MIA2: variants seen among roughly 807,000 people sequenced by gnomAD.
MIA2 encodes MIA SH3 domain ER export factor 2.
MIA2 carries 127 observed loss-of-function variants against 167.8 expected under a neutral mutation model. The observed-to-expected ratio is 0.76, with a 90% CI of 0.66 to 0.88. The LOEUF is 0.88. Among genes scored for constraint, MIA2 ranks in the 40% least tolerant of loss-of-function variants. MIA2 has a pLI of 0.00. For missense variants in MIA2, 1,690 were observed against 1,624.7 expected (o/e 1.04, Z -0.69); for synonymous variants, 552 against 541.9 (o/e 1.02, Z -0.26).
chr14:39,385,847 G>C (rs1329329062), intron 23 of MIA2: 1 of 967,644 alleles, frequency 1.0e-6, no homozygotes, highest in African/African-American at 1.6e-5. Context: ...CCTTGTCCTC[G>C]ACCTCTCCCC....
At chr14:39,382,116 T>G (rs1309581638) in intron 23 of MIA2, among the ~76,000 whole-genome samples, 1 of 152,160 alleles carries the variant, frequency 6.6e-6, no homozygotes, top group East Asian at 1.9e-4. Flanking sequence ...TACTGCCTGC[T>G]CTCCATCGTC....
rs537971337 is a variant in MIA2 at position 39,282,382 on chromosome 14, C to T, written c.2130+2845C>T. Among the ~76,000 whole-genome samples the T allele has an allele frequency of 2.3e-4, 35 of 152,072 alleles. 1 individual carries two copies. Among genetic ancestry groups the T allele is most frequent in the African/African-American group, 7.5e-4 (31 of 41,482 alleles). On this transcript the variant is annotated intron_variant, in intron 9 of 28. Transcript: ENST00000640607. ...TTTAAGGTATAAACATGATGAGATA[C>T]GTGTATAGTAAATGGTTACTATAGT...
intron 6 of MIA2, among the ~76,000 whole-genome samples, chr14:39,275,377 G>A (rs2057849531): frequency 6.6e-6 from 1 of 152,172 alleles, no homozygotes; most frequent in Non-Finnish European, 1.5e-5. Context: ...CTGGCCTCAT[G>A]TGATCCGCCT....
rs754685760 is a variant in MIA2, at chr14:39,276,910, AACTT to A, written c.1888-19_1888-16del. ...TTTTTACCAAAAGTACATTTTTAAG[AACTT>A]ACTTTTCTTTATCTTGAAGGTTGTG... On this transcript the variant is annotated intron_variant, in intron 6 of 28. Transcript: ENST00000640607. 6 of 1,604,268 alleles carry A rather than the reference AACTT, an allele frequency of 3.7e-6. No homozygotes were observed. The highest frequency in any genetic ancestry group is 5.1e-6 in the Non-Finnish European group (6 of 1,177,608).
intron 2 of MIA2, among the ~76,000 whole-genome samples, chr14:39,238,793 C>CAAAAAAAAAAAAA (rs769534317): frequency 0.04 from 1,229 of 30,434 alleles, 113 homozygotes; most frequent in Non-Finnish European, 0.051. Flanking sequence ...GACCCTGTCT[C>CAAAAAAAAAAAAA]AAAAAAAAAA....
intron 23 of MIA2, among the ~76,000 whole-genome samples, chr14:39,320,536 A>G (rs369602279): frequency 1.1e-4 from 17 of 152,120 alleles, no homozygotes; most frequent in Admixed American, 5.2e-4. Flanking sequence ...GAGTACTTCT[A>G]TGTTGCAACT....
intron 23 of MIA2, among the ~76,000 whole-genome samples, chr14:39,358,508 C>T (rs2074591246): frequency 6.6e-6 from 1 of 152,140 alleles, no homozygotes; most frequent in Non-Finnish European, 1.5e-5. Context: ...GAACTTCCTC[C>T]TTTAGCTTGG....
downstream of MIA2, among the ~76,000 whole-genome samples, chr14:39,353,370 G>A (rs935511961): frequency 9.2e-5 from 14 of 152,020 alleles, no homozygotes; most frequent in Admixed American, 4.6e-4. Context: ...CCAGTCTCTG[G>A]TATCTATCAT....
At chr14:39,241,726 A>C (rs2054048101) in intron 3 of MIA2, among the ~76,000 whole-genome samples, 1 of 152,360 alleles carries the variant, frequency 6.6e-6, no homozygotes, top group Middle Eastern at 3.4e-3. Flanking sequence ...TAAAAACAAA[A>C]AATCTGATTA....
chr14:39,351,858 C>T (rs906368340), downstream of MIA2, among the ~76,000 whole-genome samples: 1 of 152,172 alleles, frequency 6.6e-6, no homozygotes, highest in South Asian at 2.1e-4. Flanking sequence ...CTGCCTGCCT[C>T]GTTCTGCCAG....
At position 39,248,236 on chromosome 14, in the gene MIA2, C is replaced by A. The variant is rs552486404; in HGVS notation, c.1567+95C>A. 1.2e-5 allele frequency: 12 copies of A among 990,082 alleles called. No homozygotes were observed. In the South Asian group the frequency reaches 2.1e-4, roughly 17 times the overall value. 61.3% of individuals were successfully genotyped at this position (990,082 alleles called of 1,614,324 possible). A position where few individuals can be genotyped will look rare whatever the true frequency, so the allele number is the denominator to read the frequency against. ...TCAGATGAAAAAGTCCAGGAATCCACGTTTTTCAGAATACTTAGCTCTTTC... is the reference window on the plus strand; with the variant it reads ...TCAGATGAAAAAGTCCAGGAATCCAAGTTTTTCAGAATACTTAGCTCTTTC... On this transcript the variant is annotated intron_variant, in intron 4 of 28. Coordinates refer to ENST00000640607, the MANE Select transcript of MIA2 (RefSeq NM_001329214.4).
At chr14:39,258,321 T>C (rs2054915882) in intron 6 of MIA2, among the ~76,000 whole-genome samples, 2 of 152,218 alleles carry the variant, frequency 1.3e-5, no homozygotes, top group Admixed American at 1.3e-4. Context: ...CTTCACGCCT[T>C]ATTTTAGTAA....
At chr14:39,385,072 T>G (rs2075248068) in intron 23 of MIA2, among the ~76,000 whole-genome samples, 2 of 152,194 alleles carry the variant, frequency 1.3e-5, no homozygotes, top group Admixed American at 6.5e-5. Context: ...CAGCACATTC[T>G]TGGTATTATA....
At chr14:39,309,865 G>C (rs922220949) in intron 18 of MIA2, among the ~76,000 whole-genome samples, 4 of 151,822 alleles carry the variant, frequency 2.6e-5, no homozygotes, top group Non-Finnish European at 5.9e-5. Context: ...TGTACATGCT[G>C]TTGCCTAAAT....
intron 15 of MIA2, among the ~76,000 whole-genome samples, chr14:39,303,016 A>C (rs2062783074): frequency 6.6e-6 from 1 of 152,154 alleles, no homozygotes; most frequent in Admixed American, 6.5e-5. Context: ...ATGTTGGAAA[A>C]AATTACATCC....
At chr14:39,296,321 C>T (rs1369514412) in intron 13 of MIA2, among the ~76,000 whole-genome samples, 1 of 151,848 alleles carries the variant, frequency 6.6e-6, no homozygotes, top group Non-Finnish European at 1.5e-5. Flanking sequence ...TCTGGGTTGG[C>T]ATTTTTTTTT....
intron 9 of MIA2, among the ~76,000 whole-genome samples, chr14:39,288,444 TATATATATATATATATATATATATATATA>T (rs2060123117): frequency 2.0e-4 from 2 of 9,790 alleles, no homozygotes; most frequent in African/African-American, 6.5e-4. Flanking sequence ...TATATATATA[TATATATATATATATATATATATATATATA>T]TATTTTTTTT....
At chr14:39,288,442 T>C (rs1284177533) in intron 9 of MIA2, among the ~76,000 whole-genome samples, 24 of 9,768 alleles carry the variant, frequency 2.5e-3, no homozygotes, top group African/African-American at 6.4e-3. Context: ...CATATATATA[T>C]ATATATATAT....
Position 39,386,963 on chromosome 14 carries a change from T to C in MIA2, c.*11T>C, listed in dbSNP as rs116430194. On this transcript the variant is annotated 3_prime_UTR_variant, in exon 24 of 24. Transcript: ENST00000341502. The stretch of plus-strand genomic sequence containing the variant: ...GGGCCCCAGAAATGAAGCCGAAGCA[T>C]TGGCGGATGAGACTAACGAGATCTG... The C allele has an allele frequency of 9.8e-5, 77 of 783,320 alleles. No individual in the cohort carries two copies. The African/African-American group carries it at 1.2e-3, about 13-fold the overall frequency. The allele number at this position is 783,320 out of a possible 1,614,324, so 48.5% of individuals were successfully genotyped here.
Sources: gnomAD v4.1 joint callset for allele counts (sites outside exome capture counted in the v4.1 genomes callset) on GRCh38, gnomAD v4.1.1 for gene constraint, MANE v1.5 for transcripts, NCBI Gene and HGNC (gene_info 2026-07-23, HGNC 2026-07-21) for gene names.